PSMA8: variants seen among roughly 807,000 people sequenced by gnomAD.
The protein encoded by PSMA8 is proteasome subunit alpha-type 8.
In PSMA8, 18 loss-of-function variants were observed where a neutral mutation model predicts 32.4. The ratio of observed to expected loss-of-function variants is 0.56; its 90% CI spans 0.38 to 0.82. The LOEUF is 0.82. Among genes scored for constraint, PSMA8 ranks in the 40% least tolerant of loss-of-function variants. The probability of loss-of-function intolerance (pLI) is 0.00; values close to 1 mark genes in which losing one functional copy is unlikely to be tolerated. For synonymous variants in PSMA8, 104 were observed against 98.1 expected (o/e 1.06, Z -0.36); for missense variants, 298 against 300.7 (o/e 0.99, Z 0.07).
chr18:26,188,043 A>G (rs916568479), intron 6 of PSMA8, among the ~76,000 whole-genome samples: 3 of 152,170 alleles, frequency 2.0e-5, no homozygotes, highest in African/African-American at 4.8e-5. Context: ...GTCACAAAAT[A>G]AGCCTTAAAA....
At chr18:26,167,565 A>T (rs1469075435) in intron 4 of PSMA8, among the ~76,000 whole-genome samples, 1 of 152,224 alleles carries the variant, frequency 6.6e-6, no homozygotes, top group Non-Finnish European at 1.5e-5. Flanking sequence ...GGAGATAATT[A>T]AAGTTAAATG....
At chr18:26,134,370 T>G (rs566200336) in intron 1 of PSMA8, among the ~76,000 whole-genome samples, 4 of 131,522 alleles carry the variant, frequency 3.0e-5, no homozygotes, top group African/African-American at 1.6e-4. Flanking sequence ...TGTGTCTCTG[T>G]GTGTGTGTGT....
chr18:26,181,957 A>G (rs1329081082), intron 6 of PSMA8, among the ~76,000 whole-genome samples: 1 of 151,810 alleles, frequency 6.6e-6, no homozygotes, highest in Non-Finnish European at 1.5e-5. Flanking sequence ...TGTTACTGAT[A>G]TGGAGGTTTT....
intron 4 of PSMA8, among the ~76,000 whole-genome samples, chr18:26,172,173 C>T (rs922680943): frequency 5.3e-5 from 8 of 152,194 alleles, no homozygotes; most frequent in Non-Finnish European, 1.0e-4. Flanking sequence ...CATGATATCT[C>T]TCAACAATAA....
At chr18:26,178,137 G>A (rs911317385) in intron 4 of PSMA8, among the ~76,000 whole-genome samples, 1 of 152,098 alleles carries the variant, frequency 6.6e-6, no homozygotes, top group African/African-American at 2.4e-5. Flanking sequence ...AAGATACCTT[G>A]AGCCCAGAAG....
At chr18:26,159,940 A>G (rs1209937121) in intron 4 of PSMA8, among the ~76,000 whole-genome samples, 1 of 152,000 alleles carries the variant, frequency 6.6e-6, no homozygotes, top group Non-Finnish European at 1.5e-5. Flanking sequence ...ACATTTGAAA[A>G]CCTTTTTTAT....
intron 4 of PSMA8, among the ~76,000 whole-genome samples, chr18:26,159,508 C>G (rs961006391): frequency 3.9e-5 from 6 of 151,942 alleles, no homozygotes; most frequent in Non-Finnish European, 8.8e-5. Context: ...CTAAACAAAC[C>G]AAGTTACTAC....
At chr18:26,182,452 AT>A (rs1396095409) in intron 6 of PSMA8, among the ~76,000 whole-genome samples, 4 of 152,234 alleles carry the variant, frequency 2.6e-5, no homozygotes, top group Non-Finnish European at 5.9e-5. Flanking sequence ...CAGCACATCT[AT>A]TTATAGCATA....
chr18:26,134,010 C>A lies in PSMA8; in HGVS notation c.45C>A (p.Asp15Glu). The A allele has an allele frequency of 1.2e-6, 2 of 1,614,090 alleles. No homozygotes were observed. Among genetic ancestry groups the A allele is most frequent in the Non-Finnish European group, 8.5e-7 (1 of 1,179,956 alleles). ...YDRAITVFSP[D>E]GHLFQVEYAQ... is the part of the protein sequence containing the mutation. ...GGGCGATCACTGTCTTCTCCCCAGA[C>A]GGACACCTTTTTCAAGTTGAATATG... The change falls in exon 1 of 7, where the codon GAC becomes GAA. Residue 15 changes from aspartate to glutamate, a missense_variant. Transcript: ENST00000415576.
chr18:26,135,125 A>G (rs2054901546), intron 1 of PSMA8, among the ~76,000 whole-genome samples: 1 of 152,156 alleles, frequency 6.6e-6, no homozygotes, highest in Non-Finnish European at 1.5e-5. Context: ...AAAACTTAAA[A>G]AATACTCAGG....
chr18:26,148,707 G>T (rs1476723154), intron 2 of PSMA8, among the ~76,000 whole-genome samples: 2 of 151,996 alleles, frequency 1.3e-5, no homozygotes, highest in Non-Finnish European at 2.9e-5. Flanking sequence ...ATCCAAATTG[G>T]GAGGGAAGAA....
rs566046532 is a variant in PSMA8, at chr18:26,169,322, T to C, written c.478-9508T>C. On this transcript the variant is annotated intron_variant, in intron 4 of 6. Transcript: ENST00000415576. Reference sequence around the variant, plus strand: ...TTCATTTCTCAAAGGCATCTGAAACTCCGTGGGCCCAAAACCAAAGTCAAA... The same window carrying C: ...TTCATTTCTCAAAGGCATCTGAAACCCCGTGGGCCCAAAACCAAAGTCAAA... 3.2e-3 allele frequency among the ~76,000 whole-genome samples: 429 copies of C among 134,450 alleles called. 101 individuals carry two copies. Among genetic ancestry groups the C allele is most frequent in the African/African-American group, 0.015 (408 of 26,748 alleles). 88.2% of individuals were successfully genotyped at this position (134,450 alleles called of 152,430 possible).
chr18:26,178,919 T>C lies in PSMA8; in HGVS notation c.567T>C (p.Ala189=). 1 of 1,613,614 alleles carries C rather than the reference T, an allele frequency of 6.2e-7. No individual in the cohort carries two copies. The highest frequency in any genetic ancestry group is 8.5e-7 in the Non-Finnish European group (1 of 1,179,822). The change falls in exon 5 of 7, where the codon GCT becomes GCC. Residue 189 remains alanine (A), a synonymous_variant. Coordinates refer to ENST00000415576, the MANE Select transcript of PSMA8 (RefSeq NM_001025096.2). ...ATGCCATAGCAAGTGACAGTGAAGC[T>C]ATCAAGTTAGCAATAAAAGCTTTGC... ...TEDAIASDSE[A]IKLAIKALLE...
intron 1 of PSMA8, among the ~76,000 whole-genome samples, chr18:26,143,709 A>T (rs533583621): frequency 6.6e-6 from 1 of 152,110 alleles, no homozygotes; most frequent in Non-Finnish European, 1.5e-5. Context: ...CAAAAATTGG[A>T]TAAATAATTA....
intron 2 of PSMA8, among the ~76,000 whole-genome samples, chr18:26,150,352 T>G (rs80121971): frequency 7.9e-5 from 12 of 152,072 alleles, no homozygotes; most frequent in African/African-American, 2.7e-4. Flanking sequence ...TTTTTTTTTT[T>G]CAGAGACAGG....
intron 4 of PSMA8, among the ~76,000 whole-genome samples, chr18:26,167,358 G>A (rs1253779087): frequency 6.6e-6 from 1 of 152,126 alleles, no homozygotes; most frequent in East Asian, 1.9e-4. Flanking sequence ...TGAAGCCAGA[G>A]AGTAAATATA....
chr18:26,153,392 G>A (rs1396094923), intron 3 of PSMA8, among the ~76,000 whole-genome samples: 1 of 152,036 alleles, frequency 6.6e-6, no homozygotes, highest in African/African-American at 2.4e-5. Flanking sequence ...TTGGTTTTCA[G>A]ATTCTTTTTA....
chr18:26,184,898 C>G (rs2055340677), intron 6 of PSMA8, among the ~76,000 whole-genome samples: 1 of 149,078 alleles, frequency 6.7e-6, no homozygotes, highest in South Asian at 2.1e-4. Flanking sequence ...ACCAGCCTAG[C>G]CATCATGGTA....
chr18:26,138,374 G>A (rs1401375385), intron 1 of PSMA8, among the ~76,000 whole-genome samples: 3 of 152,168 alleles, frequency 2.0e-5, no homozygotes, highest in Non-Finnish European at 4.4e-5. Flanking sequence ...GAACTGTTGG[G>A]ATGTGGGTCC....
Sources: gnomAD v4.1 joint callset for allele counts (sites outside exome capture counted in the v4.1 genomes callset) on GRCh38, gnomAD v4.1.1 for gene constraint, MANE v1.5 for transcripts, NCBI Gene and HGNC (gene_info 2026-07-23, HGNC 2026-07-21) for gene names.